The following COG3 variants were observed in gnomAD, a reference collection of about 807,000 sequenced individuals.
The protein encoded by COG3 is conserved oligomeric Golgi complex subunit 3.
COG3 carries 32 observed loss-of-function variants against 114.1 expected under a neutral mutation model. That is an observed-to-expected ratio of 0.28 (90% confidence interval 0.21 to 0.38). The LOEUF is 0.38. COG3 is among the 10% of genes least tolerant of loss of function. The pLI, the probability that COG3 is intolerant of heterozygous loss-of-function variation, is 1.00. For synonymous variants in COG3, 352 were observed against 365.7 expected, an observed-to-expected ratio of 0.96 and a Z score of 0.43; for missense variants, 813 against 973.2, an observed-to-expected ratio of 0.84 and a Z score of 2.19.
intron 14 of COG3, among the ~76,000 whole-genome samples, chr13:45,508,403 T>TACACACACAC (rs1182268847): frequency 9.0e-5 from 12 of 133,038 alleles, no homozygotes; most frequent in African/African-American, 3.7e-4. Context: ...TATATATATA[T>TACACACACAC]ACACACACAC....
chr13:45,526,076 A>ATTTTTTTTTTTTTTTTTTT (rs386379016), intron 20 of COG3, among the ~76,000 whole-genome samples: 4 of 56,582 alleles, frequency 7.1e-5, no homozygotes, highest in African/African-American at 1.4e-4. Context: ...CAAAATTTTA[A>ATTTTTTTTTTTTTTTTTTT]TTTTTTTTTT....
chr13:45,535,177 A>C lies in COG3; in HGVS notation c.*446A>C, dbSNP rs1293804374. The C allele has an allele frequency of 9.1e-6, 9 of 988,676 alleles. No homozygotes were observed. Among genetic ancestry groups the C allele is most frequent in the African/African-American group, 1.7e-5 (1 of 57,414 alleles). 61.2% of individuals were successfully genotyped at this position (988,676 alleles called of 1,614,324 possible). On this transcript the variant is annotated 3_prime_UTR_variant, in exon 23 of 23. Coordinates refer to ENST00000349995, the MANE Select transcript of COG3 (RefSeq NM_031431.4). ...TAACCACTGAGCATTCCACAGTGAAATGTTATTTCTATGCTCTTATTTAAT... is the reference window on the plus strand; with the variant it reads ...TAACCACTGAGCATTCCACAGTGAACTGTTATTTCTATGCTCTTATTTAAT...
intron 13 of COG3, among the ~76,000 whole-genome samples, chr13:45,500,655 G>GT (rs1189929811): frequency 6.6e-6 from 1 of 152,202 alleles, no homozygotes; most frequent in Non-Finnish European, 1.5e-5. Context: ...AAGATCTTCT[G>GT]TTGGTATGAT....
intron 19 of COG3, 61 bp from the exon 20 acceptor site, chr13:45,524,915 G>A: frequency 7.9e-7 from 1 of 1,272,584 alleles, no homozygotes; most frequent in Non-Finnish European, 1.1e-6. Flanking sequence ...CTTGAGAGCA[G>A]TACCAGTTTA....
intron 8 of COG3, among the ~76,000 whole-genome samples, chr13:45,487,986 C>T (rs1404732377): frequency 1.3e-5 from 2 of 152,094 alleles, no homozygotes; most frequent in African/African-American, 4.8e-5. Context: ...AAGTGTCAAT[C>T]AGTGGATGAA....
intron 16 of COG3, among the ~76,000 whole-genome samples, chr13:45,515,623 T>C (rs1431116286): frequency 6.6e-6 from 1 of 152,198 alleles, no homozygotes; most frequent in African/African-American, 2.4e-5. Context: ...CAGAGCTCTG[T>C]TGGTGGCAGG....
At chr13:45,519,219 C>A in intron 19 of COG3, 125 bp downstream of exon 19, 2 of 1,036,700 alleles carry the variant, frequency 1.9e-6, no homozygotes, top group Non-Finnish European at 2.8e-6. Flanking sequence ...ATGATTCTGT[C>A]TAGGAAATCA....
chr13:45,515,126 A>T (rs2985977), intron 16 of COG3, among the ~76,000 whole-genome samples: 132,302 of 152,230 alleles, frequency 0.87, 57,666 homozygotes, highest in Admixed American at 0.91. Context: ...TATATGATAC[A>T]ATTTTTGGCA....
chr13:45,490,932 A>G lies in COG3; in HGVS notation c.942A>G (p.Ile314Met). 3 of 1,599,372 alleles carry G rather than the reference A, an allele frequency of 1.9e-6. No homozygotes were observed. The East Asian group carries it at 6.7e-5, about 36-fold the overall frequency. The change falls in exon 9 of 23, where the codon ATA becomes ATG. Residue 314 changes from isoleucine (I) to methionine (M), a missense_variant. Physicochemically the swap from Ile to Met is conservative, Grantham distance 10 (BLOSUM62 1). Transcript: ENST00000349995. ...CTTTGCAGACTCTTATTGAACAAAT[A>G]GAACTGCGGTCTGAAAAAATACCTG... ...APKVRTLIEQ[I>M]ELRSEKIPEY...
Position 45,486,589 on chromosome 13 carries a change from C to T in COG3, c.924+14C>T. On this transcript the variant is annotated intron_variant, in intron 8 of 22. Transcript: ENST00000349995. ...CCCAAAGTCAGAGTAAGTCTATTGACATAACTAGGACATTGCTATGAAATT... is the reference window on the plus strand; with the variant it reads ...CCCAAAGTCAGAGTAAGTCTATTGATATAACTAGGACATTGCTATGAAATT... 6.7e-7 allele frequency: 1 copy of T among 1,489,588 alleles called. No individual in the cohort carries two copies. The highest frequency in any genetic ancestry group is 1.1e-5 in the South Asian group (1 of 88,516). 92.3% of individuals were successfully genotyped at this position (1,489,588 alleles called of 1,614,324 possible).
intron 20 of COG3, among the ~76,000 whole-genome samples, chr13:45,528,412 C>G (rs907474575): frequency 6.6e-6 from 1 of 152,132 alleles, no homozygotes; most frequent in East Asian, 1.9e-4. Context: ...GGGTCTGGAT[C>G]AGGACCCCTT....
At chr13:45,485,042 T>C (rs1256320274) in intron 7 of COG3, among the ~76,000 whole-genome samples, 2 of 135,140 alleles carry the variant, frequency 1.5e-5, no homozygotes, top group African/African-American at 5.4e-5. Flanking sequence ...CTCAATCTTT[T>C]CCCCACCTTT....
rs752322970 is a variant in COG3, at chr13:45,491,538, G to T, written c.1095G>T (p.Leu365Phe). The change falls in exon 10 of 23, where the codon TTG becomes TTT. Residue 365 changes from leucine (L) to phenylalanine (F), a missense_variant and splice_region_variant. Leu to Phe is a conservative substitution (Grantham distance 22, BLOSUM62 0). Coordinates refer to ENST00000349995, the MANE Select transcript of COG3 (RefSeq NM_031431.4). ...AAAATAATAGAGATCACTGTGCCTT[G>T]GTAAGTTTCTACTTGTTTTGGTTTA... Reference protein sequence around the residue: ...TSQNNRDHCALVRSGCAFMVH... With the variant: ...TSQNNRDHCAFVRSGCAFMVH... The T allele has an allele frequency of 2.1e-5, 34 of 1,608,378 alleles. No homozygotes were observed. Among genetic ancestry groups the T allele is most frequent in the Middle Eastern group, 1.7e-4 (1 of 6,040 alleles).
Position 45,483,332 on chromosome 13 carries a change from C to G in COG3, c.820C>G (p.Leu274Val). 5 of 1,586,160 alleles carry G rather than the reference C, an allele frequency of 3.2e-6. No individual in the cohort carries two copies. The highest frequency in any genetic ancestry group is 4.3e-6 in the Non-Finnish European group (5 of 1,167,226). Residue 274 changes from leucine to valine, a missense_variant, in exon 7 of 23, where the codon CTC (leucine) becomes GTC (valine). By Grantham distance (32) the Leu-to-Val change is conservative (BLOSUM62 1). Around this residue, in one of 2 missense-constraint regions of COG3, gnomAD observed 424 missense variants for 430.6 expected, o/e 0.98. Coordinates refer to ENST00000349995, the MANE Select transcript of COG3 (RefSeq NM_031431.4). The stretch of plus-strand genomic sequence containing the variant: ...ATATACTGTGAACACACTACAGACC[C>G]TCACAAGTCAGTTACTGAAAAGGGT... Reference protein sequence around the residue: ...KTYTVNTLQTLTSQLLKRDPS... With the variant: ...KTYTVNTLQTVTSQLLKRDPS...
At chr13:45,476,460 G>T in intron 2 of COG3, 113 bp downstream of exon 2, 1 of 1,080,956 alleles carries the variant, frequency 9.3e-7, no homozygotes, top group Non-Finnish European at 1.3e-6. Context: ...TTAACATTAA[G>T]TCTTTCTAGA....
Position 45,476,274 on chromosome 13 carries a change from C to A in COG3, c.248C>A (p.Ser83Tyr). The change falls in exon 2 of 23, where the codon TCT (serine) becomes TAT (tyrosine). Residue 83 changes from serine (S) to tyrosine (Y), a missense_variant. By Grantham distance (144) the Ser-to-Tyr change is moderately radical. Around this residue, in one of 2 missense-constraint regions of COG3, gnomAD observed 424 missense variants for 430.6 expected, o/e 0.98. Coordinates refer to ENST00000349995, the MANE Select transcript of COG3 (RefSeq NM_031431.4). ...PIELTSVVPESTEDILLKGFT... is the reference protein window; with the variant it reads ...PIELTSVVPEYTEDILLKGFT... ...GAACTGACTTCAGTAGTGCCTGAAT[C>A]TACAGAAGACATTCTCTTGAAGGGC... 1.2e-6 allele frequency: 2 copies of A among 1,613,522 alleles called. No individual in the cohort carries two copies. Among genetic ancestry groups the A allele is most frequent in the Non-Finnish European group, 1.7e-6 (2 of 1,179,636 alleles).
In COG3 at chr13:45,534,845, C is replaced by A; in HGVS notation, c.*114C>A. 1 of 1,417,252 alleles carries A rather than the reference C, an allele frequency of 7.1e-7. No homozygotes were observed. Among genetic ancestry groups the A allele is most frequent in the Non-Finnish European group, 9.2e-7 (1 of 1,089,906 alleles). The allele number at this position is 1,417,252 out of a possible 1,614,324, so 87.8% of individuals were successfully genotyped here. A position where few individuals can be genotyped will look rare whatever the true frequency, so the allele number is the denominator to read the frequency against. ...TGTGGGAACGTCCCCGAGAACCACA[C>A]GAGCGTGCTGCTCAGTGCTGACTGC... On this transcript the variant is annotated 3_prime_UTR_variant, in exon 23 of 23. Coordinates refer to ENST00000349995, the MANE Select transcript of COG3 (RefSeq NM_031431.4).
At chr13:45,503,111 A>T (rs891366489) in intron 13 of COG3, 133 bp from the exon 14 acceptor site, 2 of 443,536 alleles carry the variant, frequency 4.5e-6, no homozygotes, top group African/African-American at 4.0e-5. Flanking sequence ...TTCAGAATGT[A>T]TCCAGTCTTA....
chr13:45,467,718 G>A (rs902355576), intron 1 of COG3, among the ~76,000 whole-genome samples: 1 of 152,162 alleles, frequency 6.6e-6, no homozygotes, highest in African/African-American at 2.4e-5. Flanking sequence ...ATGTCTGTTG[G>A]GAAGACTTTG....
Sources: gnomAD v4.1 joint callset for allele counts (sites outside exome capture counted in the v4.1 genomes callset) on GRCh38, gnomAD v4.1.1 for gene constraint, gnomAD v4.1.1 regional missense constraint, MANE v1.5 for transcripts, NCBI Gene and HGNC (gene_info 2026-07-23, HGNC 2026-07-21) for gene names.